The following HELZ variants were observed in gnomAD, a reference collection of about 807,000 sequenced individuals.
HELZ encodes the protein ATP-dependent RNA helicase with zinc finger domain.
A neutral mutation model predicts 218.2 loss-of-function variants in HELZ; 23 were observed. The observed-to-expected ratio is 0.11, with a 90% confidence interval of 0.08 to 0.15. HELZ has a LOEUF of 0.15. HELZ is among the 10% of genes least tolerant of loss of function. The pLI, the probability that HELZ is intolerant of heterozygous loss-of-function variation, is 1.00. For synonymous variants in HELZ, 814 were observed against 829.4 expected (o/e 0.98, Z 0.32); for missense variants, 1,813 against 2,353.7 (o/e 0.77, Z 4.75).
intron 12 of HELZ, among the ~76,000 whole-genome samples, chr17:67,183,030 A>G (rs1478498442): frequency 6.6e-6 from 1 of 152,254 alleles, no homozygotes; most frequent in Non-Finnish European, 1.5e-5. Context: ...TATGGAATTT[A>G]TTAAAACCTG....
At position 67,167,679 on chromosome 17, in the gene HELZ, T is replaced by C. The variant is rs184146484; in HGVS notation, c.1548A>G (p.Thr516=). Residue 516 remains threonine, a synonymous_variant, in exon 14 of 33, where the codon ACA becomes ACG. Coordinates refer to ENST00000358691, the MANE Select transcript of HELZ (RefSeq NM_014877.4). The stretch of plus-strand genomic sequence containing the variant: ...GTCCAGCCAAAGTATCTTCAGAAAG[T>C]GTTTCAGTAAGCTTAAAGCGACCAA... ...QLFGRFKLTE[T]LSEDTLAGRL... 1.6e-4 allele frequency: 264 copies of C among 1,614,172 alleles called. 3 individuals carry two copies. In the East Asian group the frequency reaches 5.8e-3, roughly 36 times the overall value.
chr17:67,095,209 C>T (rs934919871), intron 31 of HELZ, among the ~76,000 whole-genome samples: 1 of 151,952 alleles, frequency 6.6e-6, no homozygotes, highest in African/African-American at 2.4e-5. Flanking sequence ...GATTCCATCA[C>T]AAAAAAACAC....
intron 32 of HELZ, among the ~76,000 whole-genome samples, chr17:67,083,177 T>G (rs968240492): frequency 3.9e-5 from 6 of 152,244 alleles, no homozygotes; most frequent in African/African-American, 1.4e-4. Context: ...TGTTTTTAAT[T>G]AAATAAATAC....
At chr17:67,203,578 C>T in intron 5 of HELZ, 135 bp from the exon 6 acceptor site, 1 of 992,542 alleles carries the variant, frequency 1.0e-6, no homozygotes. Flanking sequence ...TAGAGGGAAG[C>T]AGTGGTGTTT....
intron 3 of HELZ, among the ~76,000 whole-genome samples, chr17:67,228,016 CTG>C (rs1487428861): frequency 6.6e-6 from 1 of 152,176 alleles, no homozygotes; most frequent in Admixed American, 6.5e-5. Context: ...TTCTGCATCT[CTG>C]TCTTATACAT....
chr17:67,222,139 C>G (rs2040763929), intron 3 of HELZ, among the ~76,000 whole-genome samples: 1 of 152,142 alleles, frequency 6.6e-6, no homozygotes, highest in Non-Finnish European at 1.5e-5. Context: ...CTGTACCCAG[C>G]CTACATAAAG....
At chr17:67,230,595 C>CAAAAA (rs376918246) in intron 3 of HELZ, among the ~76,000 whole-genome samples, 4 of 111,354 alleles carry the variant, frequency 3.6e-5, no homozygotes, top group African/African-American at 1.1e-4. Context: ...GACTCCATCT[C>CAAAAA]AAAAAAAAAA....
chr17:67,104,157 G>A (rs960952354), intron 31 of HELZ, among the ~76,000 whole-genome samples: 3 of 152,132 alleles, frequency 2.0e-5, no homozygotes, highest in African/African-American at 2.4e-5. Flanking sequence ...AAAAGGGGCC[G>A]GGTGCGGTGG....
chr17:67,151,443 T>C (rs902774788), intron 17 of HELZ, among the ~76,000 whole-genome samples: 1 of 152,166 alleles, frequency 6.6e-6, no homozygotes, highest in Non-Finnish European at 1.5e-5. Flanking sequence ...AGAAAGTATA[T>C]GCAGTACCAC....
chr17:67,113,716 T>A (rs566717389), intron 28 of HELZ, among the ~76,000 whole-genome samples: 6 of 152,236 alleles, frequency 3.9e-5, no homozygotes, highest in African/African-American at 1.4e-4. Context: ...GATAATAGAA[T>A]GTGGAAGGTA....
intron 17 of HELZ, among the ~76,000 whole-genome samples, chr17:67,159,007 C>T (rs2038922984): frequency 6.6e-6 from 1 of 152,106 alleles, no homozygotes; most frequent in Admixed American, 6.6e-5. Context: ...GTCACACTTC[C>T]TATGTAACAC....
intron 13 of HELZ, among the ~76,000 whole-genome samples, chr17:67,177,446 T>C (rs543757051): frequency 1.8e-4 from 27 of 152,194 alleles, no homozygotes; most frequent in Non-Finnish European, 2.5e-4. Context: ...AAAGTTAATA[T>C]ATAATTTTTT....
At chr17:67,215,505 C>G (rs538156816) in intron 5 of HELZ, among the ~76,000 whole-genome samples, 1 of 152,120 alleles carries the variant, frequency 6.6e-6, no homozygotes, top group African/African-American at 2.4e-5. Flanking sequence ...TGCGCCGCCA[C>G]GCCCAGCTAA....
Position 67,085,789 on chromosome 17 carries a change from G to C in HELZ, c.5494+1040C>G, listed in dbSNP as rs78774077. Among the ~76,000 whole-genome samples the C allele has an allele frequency of 8.0e-3, 1,215 of 152,246 alleles. 8 individuals carry two copies. Among genetic ancestry groups the C allele is most frequent in the Non-Finnish European group, 0.011 (738 of 68,020 alleles). On this transcript the variant is annotated intron_variant, in intron 32 of 32. Transcript: ENST00000358691. ...AAAGAGAAGGAATTAGAGAATTCAA[G>C]CAGTATAATTAGTTTCTTTACATTC... is the stretch of plus-strand genomic sequence containing the variant.
intron 3 of HELZ, among the ~76,000 whole-genome samples, chr17:67,222,699 G>A (rs909627923): frequency 6.6e-6 from 1 of 152,178 alleles, no homozygotes. Flanking sequence ...TCCTTCTGAA[G>A]AAGCTAAAGT....
intron 17 of HELZ, among the ~76,000 whole-genome samples, chr17:67,152,935 G>T (rs1427542606): frequency 6.6e-6 from 1 of 152,074 alleles, no homozygotes; most frequent in South Asian, 2.1e-4. Context: ...ATAGAAATAG[G>T]AGTAACTGTG....
chr17:67,177,251 C>G (rs1402721633), intron 13 of HELZ, among the ~76,000 whole-genome samples: 1 of 152,094 alleles, frequency 6.6e-6, no homozygotes, highest in African/African-American at 2.4e-5. Context: ...CCACACCCAG[C>G]CTTAGTTACT....
chr17:67,189,742 A>G (rs371799062), intron 10 of HELZ, 46 bp from the exon 11 acceptor site: 7 of 1,213,688 alleles, frequency 5.8e-6, no homozygotes, highest in Non-Finnish European at 8.6e-6. Flanking sequence ...TGCTAAGGGC[A>G]CAAACAAAAT....
Position 67,085,935 on chromosome 17 carries a change from T to C in HELZ, c.5494+894A>G, listed in dbSNP as rs1478600744. Among the ~76,000 whole-genome samples, 7 of 152,250 alleles carry C rather than the reference T, an allele frequency of 4.6e-5. No homozygotes were observed. In the East Asian group the frequency reaches 7.7e-4, roughly 17 times the overall value. On this transcript the variant is annotated intron_variant, in intron 32 of 32. Transcript: ENST00000358691. Reference sequence around the variant, plus strand: ...TCTTATCCATTCCGATCCCTTTCTATGCCTTTTTTGTTTTTTAGCCATGAA... The same window carrying C: ...TCTTATCCATTCCGATCCCTTTCTACGCCTTTTTTGTTTTTTAGCCATGAA...
Sources: allele counts gnomAD v4.1 joint callset (sites outside exome capture counted in the v4.1 genomes callset), GRCh38; gene constraint gnomAD v4.1.1; transcripts MANE v1.5; gene names NCBI Gene and HGNC (gene_info 2026-07-23, HGNC 2026-07-21).